TSPAN5: variants seen among roughly 807,000 people sequenced by gnomAD.
TSPAN5 encodes the protein tetraspanin-5.
In TSPAN5, 10 loss-of-function variants were observed where a neutral mutation model predicts 37.1. The observed-to-expected ratio is 0.27, with a 90% confidence interval of 0.17 to 0.46. The LOEUF (loss-of-function observed/expected upper bound fraction) is 0.46, where lower values mean the gene tolerates loss of function less well. Ranked by LOEUF, TSPAN5 falls within the 20% of genes least tolerant of loss-of-function variation. The pLI is 1.00. For missense variants in TSPAN5, 195 were observed against 326.6 expected (o/e 0.60, Z 3.11); for synonymous variants, 110 against 118.9 (o/e 0.93, Z 0.48).
chr4:98,490,180 A>G (rs1171629019), intron 2 of TSPAN5, among the ~76,000 whole-genome samples: 3 of 152,156 alleles, frequency 2.0e-5, no homozygotes, highest in Non-Finnish European at 4.4e-5. Context: ...ACCCTTGCCC[A>G]TGATCCATGG....
At chr4:98,618,442 C>T (rs1254371194) in intron 1 of TSPAN5, among the ~76,000 whole-genome samples, 1 of 152,124 alleles carries the variant, frequency 6.6e-6, no homozygotes, top group Non-Finnish European at 1.5e-5. Context: ...TCTAAGTAAA[C>T]CCCAAGCAAT....
chr4:98,565,221 T>C (rs1754976626), intron 1 of TSPAN5, among the ~76,000 whole-genome samples: 1 of 152,200 alleles, frequency 6.6e-6, no homozygotes, highest in Non-Finnish European at 1.5e-5. Flanking sequence ...TTTTTCCCCC[T>C]TGTTCCTTGA....
At chr4:98,633,675 T>G (rs1271024551) in intron 1 of TSPAN5, among the ~76,000 whole-genome samples, 1 of 152,208 alleles carries the variant, frequency 6.6e-6, no homozygotes, top group African/African-American at 2.4e-5. Flanking sequence ...TGCACTACCC[T>G]GAACCACTGC....
intron 1 of TSPAN5, among the ~76,000 whole-genome samples, chr4:98,620,955 C>A (rs1756466756): frequency 6.6e-6 from 1 of 152,162 alleles, no homozygotes; most frequent in Admixed American, 6.5e-5. Flanking sequence ...ATATTGAAGT[C>A]ATTACCAGCA....
At chr4:98,484,375 G>A (rs937596329) in intron 3 of TSPAN5, 14 of 448,944 alleles carry the variant, frequency 3.1e-5, no homozygotes, top group African/African-American at 1.0e-4. Flanking sequence ...TCCTGTGGAC[G>A]TTTACTTACT....
intron 2 of TSPAN5, among the ~76,000 whole-genome samples, chr4:98,490,843 G>A (rs1170860139): frequency 1.3e-5 from 2 of 152,094 alleles, no homozygotes; most frequent in East Asian, 1.9e-4. Context: ...GGCAGATCAC[G>A]AGGTCAGGAA....
Position 98,486,876 on chromosome 4 carries a change from C to T in TSPAN5, c.141G>A (p.Leu47=). The change falls in exon 3 of 8, where the codon CTG becomes CTA. Residue 47 remains leucine (L), a synonymous_variant. Coordinates refer to ENST00000305798, the MANE Select transcript of TSPAN5 (RefSeq NM_005723.4). ...GATCGGTGATGGAAGAGATGTTGGA[C>T]AGAACTCCCTGGGAGCAGAAAAGAA... is the stretch of plus-strand genomic sequence containing the variant. ...GLWAWNEKGV[L]SNISSITDLG... 6.2e-7 allele frequency: 1 copy of T among 1,613,850 alleles called. No individual in the cohort carries two copies. The highest frequency in any genetic ancestry group is 8.5e-7 in the Non-Finnish European group (1 of 1,179,950).
At chr4:98,533,541 A>ATTTTTTTTTTTTTTTTTTTTT (rs1754149539) in intron 1 of TSPAN5, among the ~76,000 whole-genome samples, 1 of 33,420 alleles carries the variant, frequency 3.0e-5, no homozygotes, top group Non-Finnish European at 4.8e-5. Flanking sequence ...TATCCCCTAT[A>ATTTTTTTTTTTTTTTTTTTTT]TCTTTTTTTT....
chr4:98,509,536 T>C (rs902158045), intron 1 of TSPAN5, among the ~76,000 whole-genome samples: 4 of 152,178 alleles, frequency 2.6e-5, no homozygotes, highest in Admixed American at 6.5e-5. Flanking sequence ...CTGAGCCCTA[T>C]ACAGAAAATC....
At chr4:98,556,043 A>AC (rs1485901117) in intron 1 of TSPAN5, among the ~76,000 whole-genome samples, 1 of 66,658 alleles carries the variant, frequency 1.5e-5, no homozygotes, top group Non-Finnish European at 2.8e-5. Context: ...CAGCACCCCC[A>AC]CACACACACA....
chr4:98,510,626 T>C (rs989717941), intron 1 of TSPAN5, among the ~76,000 whole-genome samples: 1 of 152,102 alleles, frequency 6.6e-6, no homozygotes, highest in African/African-American at 2.4e-5. Flanking sequence ...TGGTTTTCCA[T>C]AAAGAGGAGA....
intron 1 of TSPAN5, among the ~76,000 whole-genome samples, chr4:98,615,091 T>C (rs911232686): frequency 7.9e-5 from 12 of 152,168 alleles, no homozygotes; most frequent in African/African-American, 2.9e-4. Flanking sequence ...CTGCCTTGGA[T>C]CGGGAACCAC....
intron 1 of TSPAN5, among the ~76,000 whole-genome samples, chr4:98,580,513 A>G (rs1755343937): frequency 1.3e-5 from 2 of 152,198 alleles, no homozygotes; most frequent in Non-Finnish European, 2.9e-5. Flanking sequence ...GGTGGGTGAT[A>G]GTGGAACAAG....
chr4:98,533,675 C>T (rs1301118243), intron 1 of TSPAN5, among the ~76,000 whole-genome samples: 5 of 146,612 alleles, frequency 3.4e-5, no homozygotes, highest in African/African-American at 7.6e-5. Context: ...CTCAGCCTCC[C>T]AAGTAGCTGG....
chr4:98,626,893 T>TA (rs1415523282), intron 1 of TSPAN5, among the ~76,000 whole-genome samples: 3 of 150,214 alleles, frequency 2.0e-5, no homozygotes, highest in Admixed American at 2.0e-4. Context: ...CAGGTTTTTT[T>TA]TTTTTTTTTT....
chr4:98,570,991 G>A (rs547206759), intron 1 of TSPAN5, among the ~76,000 whole-genome samples: 143 of 150,964 alleles, frequency 9.5e-4, no homozygotes, highest in Non-Finnish European at 1.4e-3. Flanking sequence ...CAATATGGGC[G>A]ACAGAGCAAG....
intron 1 of TSPAN5, among the ~76,000 whole-genome samples, chr4:98,571,188 C>A (rs10023449): frequency 0.78 from 118,634 of 152,020 alleles, 46,946 homozygotes; most frequent in African/African-American, 0.92. Context: ...GCCACTAGCC[C>A]TACTGACAAA....
At chr4:98,528,226 CT>C (rs1754005893) in intron 1 of TSPAN5, among the ~76,000 whole-genome samples, 1 of 152,072 alleles carries the variant, frequency 6.6e-6, no homozygotes, top group African/African-American at 2.4e-5. Flanking sequence ...AATATATGAA[CT>C]CTCTTTAAAA....
chr4:98,604,709 A>G (rs987898377), intron 1 of TSPAN5, among the ~76,000 whole-genome samples: 2 of 152,242 alleles, frequency 1.3e-5, no homozygotes, highest in East Asian at 3.8e-4. Context: ...AAAATTTTAC[A>G]ACTACAACTA....
Sources: gnomAD v4.1 joint callset for allele counts (sites outside exome capture counted in the v4.1 genomes callset) on GRCh38, gnomAD v4.1.1 for gene constraint, MANE v1.5 for transcripts, NCBI Gene and HGNC (gene_info 2026-07-23, HGNC 2026-07-21) for gene names.